Variants in SLC25A26 observed in about 807,000 individuals in gnomAD.
SLC25A26 encodes solute carrier family 25 member 26, also known as mitochondrial S-adenosylmethionine carrier protein.
In SLC25A26, 36 loss-of-function variants were observed where a neutral mutation model predicts 37.8. That is an observed-to-expected ratio of 0.95 (90% CI 0.73 to 1.26). SLC25A26 has a LOEUF of 1.26. SLC25A26 is among the 50% of genes most tolerant of loss of function. SLC25A26 has a pLI of 0.00. For synonymous variants in SLC25A26, 129 were observed against 122.5 expected, an observed-to-expected ratio of 1.05 and a Z score of -0.35; for missense variants, 390 against 331.1, an observed-to-expected ratio of 1.18 and a Z score of -1.38.
At chr3:66,173,540 T>C (rs576617139) in intron 1 of SLC25A26, among the ~76,000 whole-genome samples, 3 of 152,362 alleles carry the variant, frequency 2.0e-5, no homozygotes, top group African/African-American at 7.2e-5. Context: ...TTACATCATC[T>C]GTAAGGTGCC....
At chr3:66,238,168 G>C (rs1218994352) in intron 2 of SLC25A26, among the ~76,000 whole-genome samples, 1 of 152,170 alleles carries the variant, frequency 6.6e-6, no homozygotes, top group Admixed American at 6.5e-5. Context: ...CCTGATTACT[G>C]AAGAGCTTAA....
At chr3:66,251,927 G>C (rs1423441053) in intron 3 of SLC25A26, among the ~76,000 whole-genome samples, 1 of 152,054 alleles carries the variant, frequency 6.6e-6, no homozygotes, top group Non-Finnish European at 1.5e-5. Context: ...AGGAAGGGAA[G>C]CTCTGTTAAC....
At chr3:66,147,237 C>T (rs2070133008) in intron 1 of SLC25A26, among the ~76,000 whole-genome samples, 1 of 151,026 alleles carries the variant, frequency 6.6e-6, no homozygotes, top group South Asian at 2.1e-4. Context: ...GATGTCAGCT[C>T]ACTGCAACCT....
intron 1 of SLC25A26, among the ~76,000 whole-genome samples, chr3:66,177,858 C>A (rs978210803): frequency 5.3e-5 from 8 of 152,112 alleles, no homozygotes; most frequent in Non-Finnish European, 7.4e-5. Flanking sequence ...CTGGTATAGG[C>A]CACCCAGAAA....
At chr3:66,162,709 G>A (rs182390746) in intron 1 of SLC25A26, among the ~76,000 whole-genome samples, 3 of 152,310 alleles carry the variant, frequency 2.0e-5, no homozygotes, top group East Asian at 1.9e-4. Context: ...ACTGCTGGGC[G>A]CATGAATGCT....
chr3:66,372,610 G>C (rs1241675237), intron 9 of SLC25A26, among the ~76,000 whole-genome samples: 2 of 152,076 alleles, frequency 1.3e-5, no homozygotes, highest in Admixed American at 1.3e-4. Context: ...AGAAGTCATG[G>C]GCTCTAGTCA....
intron 5 of SLC25A26, among the ~76,000 whole-genome samples, chr3:66,306,791 A>G (rs541607698): frequency 1.3e-5 from 2 of 152,170 alleles, no homozygotes; most frequent in East Asian, 3.8e-4. Flanking sequence ...TTTGCTGGGA[A>G]TGATGGTTTT....
chr3:66,281,533 G>T lies in SLC25A26; in HGVS notation c.453+18154G>T, dbSNP rs1230534457. On this transcript the variant is annotated intron_variant, in intron 5 of 9. Transcript: ENST00000354883. ...GAAGAGTTTCCTCCCTTGCCCTCCA[G>T]ATCCTTTTTAAAAAATCCCCATGGA... is the stretch of plus-strand genomic sequence containing the variant. Among the ~76,000 whole-genome samples the T allele has an allele frequency of 2.6e-5, 4 of 151,920 alleles. No individual in the cohort carries two copies. In the East Asian group the frequency reaches 7.7e-4, roughly 29 times the overall value.
intron 1 of SLC25A26, among the ~76,000 whole-genome samples, chr3:66,147,276 G>A (rs1250484097): frequency 2.0e-5 from 3 of 150,696 alleles, no homozygotes; most frequent in Admixed American, 1.3e-4. Context: ...CGATCCTCCC[G>A]CCTCATCCTC....
At chr3:66,204,519 C>T (rs1198952376) in intron 1 of SLC25A26, among the ~76,000 whole-genome samples, 1 of 151,044 alleles carries the variant, frequency 6.6e-6, no homozygotes, top group Non-Finnish European at 1.5e-5. Context: ...ATCTAAAATG[C>T]CAATATCATC....
At chr3:66,221,980 C>A (rs913474418) in intron 1 of SLC25A26, among the ~76,000 whole-genome samples, 1 of 151,802 alleles carries the variant, frequency 6.6e-6, no homozygotes, top group Admixed American at 6.6e-5. Context: ...CAAGATAGAC[C>A]TGCTCCTAAG....
intron 5 of SLC25A26, among the ~76,000 whole-genome samples, chr3:66,321,543 G>C (rs1332991720): frequency 6.6e-6 from 1 of 152,098 alleles, no homozygotes; most frequent in Non-Finnish European, 1.5e-5. Flanking sequence ...GCAAACTGTA[G>C]ATGTCTTTTT....
At chr3:66,260,386 C>T (rs2073477996) in intron 3 of SLC25A26, among the ~76,000 whole-genome samples, 1 of 152,160 alleles carries the variant, frequency 6.6e-6, no homozygotes, top group African/African-American at 2.4e-5. Context: ...GCCCAAGTTA[C>T]AGACAGCTTT....
intron 9 of SLC25A26, among the ~76,000 whole-genome samples, chr3:66,372,467 A>C (rs184591986): frequency 3.3e-5 from 5 of 152,302 alleles, no homozygotes; most frequent in Admixed American, 3.3e-4. Flanking sequence ...TGACGTTATA[A>C]TACTAAGCAG....
At chr3:66,251,751 C>T (rs1221713975) in intron 3 of SLC25A26, among the ~76,000 whole-genome samples, 2 of 152,184 alleles carry the variant, frequency 1.3e-5, no homozygotes, top group Non-Finnish European at 2.9e-5. Flanking sequence ...TCTGCATCCT[C>T]ACCCCCAGTT....
chr3:66,172,430 A>AAAAAAAAAAT (rs2070514484), intron 1 of SLC25A26, among the ~76,000 whole-genome samples: 5 of 146,732 alleles, frequency 3.4e-5, no homozygotes, highest in African/African-American at 1.3e-4. Context: ...AAAAAAAAAA[A>AAAAAAAAAAT]GGAAAAGAAA....
At chr3:66,147,041 T>C (rs2070124532) in intron 1 of SLC25A26, among the ~76,000 whole-genome samples, 2 of 134,552 alleles carry the variant, frequency 1.5e-5, no homozygotes, top group African/African-American at 5.8e-5. Context: ...TTCCACGATG[T>C]ATCTTCCCTT....
chr3:66,161,675 G>T (rs1007542359), intron 1 of SLC25A26, among the ~76,000 whole-genome samples: 2 of 152,170 alleles, frequency 1.3e-5, no homozygotes, highest in African/African-American at 4.8e-5. Context: ...GAATTATCTG[G>T]ATGACTGACA....
In SLC25A26 at chr3:66,196,872, T is replaced by C. The variant is rs1048710353; in HGVS notation, c.-353-23870T>C. ...AGAAAGTTAAAAACCATCTGGGTCATTTTTTAATAAGCATTATCTTATATT... is the reference window on the plus strand; with the variant it reads ...AGAAAGTTAAAAACCATCTGGGTCACTTTTTAATAAGCATTATCTTATATT... On this transcript the variant is annotated intron_variant, in intron 1 of 10. Transcript: ENST00000676754. Among the ~76,000 whole-genome samples the C allele has an allele frequency of 9.9e-5, 15 of 152,272 alleles. No homozygotes were observed. In the South Asian group the frequency reaches 2.5e-3, roughly 25 times the overall value.
Sources: allele counts gnomAD v4.1 joint callset (sites outside exome capture counted in the v4.1 genomes callset), GRCh38; gene constraint gnomAD v4.1.1; transcripts MANE v1.5; gene names NCBI Gene and HGNC (gene_info 2026-07-23, HGNC 2026-07-21).